Variants in ORC3 observed in about 807,000 individuals in gnomAD.
ORC3 encodes origin recognition complex subunit 3.
In ORC3, 78 loss-of-function variants were observed where a neutral mutation model predicts 100.7. That is an observed-to-expected ratio of 0.77 (90% CI 0.65 to 0.94). The LOEUF is 0.94. Among genes scored for constraint, ORC3 ranks in the 40% least tolerant of loss-of-function variants. ORC3 has a pLI of 0.00. For synonymous variants in ORC3, 295 were observed against 289.3 expected (o/e 1.02, Z -0.20); for missense variants, 789 against 823.9 (o/e 0.96, Z 0.52).
At chr6:87,636,199 T>A (rs1328817503) in intron 12 of ORC3, among the ~76,000 whole-genome samples, 1 of 152,218 alleles carries the variant, frequency 6.6e-6, no homozygotes, top group Admixed American at 6.5e-5. Context: ...CCCAAAGTGC[T>A]GGGATTACAG....
chr6:87,622,490 A>C (rs1218328235), intron 11 of ORC3, among the ~76,000 whole-genome samples: 1 of 152,198 alleles, frequency 6.6e-6, no homozygotes. Context: ...TAATGAGCTT[A>C]GAAAATTATC....
At chr6:87,661,337 G>C (rs1314653261) in intron 16 of ORC3, among the ~76,000 whole-genome samples, 1 of 152,072 alleles carries the variant, frequency 6.6e-6, no homozygotes, top group Non-Finnish European at 1.5e-5. Flanking sequence ...CTGAGGTATA[G>C]AATATTGTTT....
intron 13 of ORC3, among the ~76,000 whole-genome samples, chr6:87,648,771 A>G (rs749231424): frequency 6.6e-6 from 1 of 152,188 alleles, no homozygotes; most frequent in Non-Finnish European, 1.5e-5. Flanking sequence ...GTTTCTCATC[A>G]CTATATAATA....
intron 9 of ORC3, among the ~76,000 whole-genome samples, chr6:87,618,418 A>AAG (rs2128261716): frequency 6.7e-6 from 1 of 150,266 alleles, no homozygotes; most frequent in South Asian, 2.1e-4. Context: ...CTCCATCTCA[A>AAG]AAAAAAAAAA....
rs1373228558 is a variant in ORC3 at position 87,667,015 on chromosome 6, C to T, written c.2031-3C>T. On this transcript the variant is annotated splice_region_variant and splice_polypyrimidine_tract_variant and intron_variant, in intron 19 of 19. Coordinates refer to ENST00000392844, the MANE Select transcript of ORC3 (RefSeq NM_012381.4). Reference sequence around the variant, plus strand: ...GGCCAGTTTCCTTAATTAAAGCCTCCAGTGCTCGGTTTATTAGAGCTGTTT... The same window carrying T: ...GGCCAGTTTCCTTAATTAAAGCCTCTAGTGCTCGGTTTATTAGAGCTGTTT... The T allele has an allele frequency of 1.3e-6, 2 of 1,588,658 alleles. No homozygotes were observed. The highest frequency in any genetic ancestry group is 3.6e-5 in the Admixed American group (2 of 56,038).
chr6:87,667,923 G>A (rs183265298), downstream of ORC3, among the ~76,000 whole-genome samples: 1,336 of 138,334 alleles, frequency 9.7e-3, 11 homozygotes, highest in Middle Eastern at 0.023. Flanking sequence ...GTGAGACTCC[G>A]TGTCAAAAAA....
the ORC3 span, among the ~76,000 whole-genome samples, chr6:87,677,167 G>C: frequency 1.3e-5 from 2 of 151,890 alleles, no homozygotes; most frequent in East Asian, 1.9e-4. Context: ...TCTATGAATG[G>C]CAACTGACTG....
At chr6:87,605,509 G>T (rs1778266610) in intron 4 of ORC3, among the ~76,000 whole-genome samples, 2 of 152,164 alleles carry the variant, frequency 1.3e-5, no homozygotes, top group African/African-American at 4.8e-5. Context: ...AAATTAGCCG[G>T]TGTGGTGGCA....
intron 12 of ORC3, 119 bp downstream of exon 12, chr6:87,635,080 C>T: frequency 2.7e-6 from 2 of 752,942 alleles, no homozygotes; most frequent in South Asian, 2.8e-5. Flanking sequence ...ACAATGAGAA[C>T]ACAATCTAAA....
chr6:87,596,773 C>T (rs904181229), intron 2 of ORC3, among the ~76,000 whole-genome samples: 7 of 152,160 alleles, frequency 4.6e-5, no homozygotes, highest in Admixed American at 2.0e-4. Flanking sequence ...TCCAGTATTA[C>T]TATCAGAATG....
chr6:87,617,866 C>T (rs1032851807), intron 9 of ORC3, among the ~76,000 whole-genome samples: 7 of 151,962 alleles, frequency 4.6e-5, no homozygotes, highest in African/African-American at 1.7e-4. Flanking sequence ...CTCATGTTTC[C>T]TTCCTTCAAA....
chr6:87,627,348 T>G (rs1371081928), intron 11 of ORC3, among the ~76,000 whole-genome samples: 1 of 124,792 alleles, frequency 8.0e-6, no homozygotes, highest in Non-Finnish European at 1.6e-5. Context: ...CAGGCTAGAG[T>G]GTAGTGGCAC....
At chr6:87,649,948 G>A (rs1281190797) in intron 13 of ORC3, among the ~76,000 whole-genome samples, 2 of 151,174 alleles carry the variant, frequency 1.3e-5, no homozygotes, top group Non-Finnish European at 2.9e-5. Flanking sequence ...TTACCATTTT[G>A]AACATGGGCT....
At position 87,658,349 on chromosome 6, in the gene ORC3, C is replaced by T. The variant is rs367980101; in HGVS notation, c.1691+331C>T. ...GTGGGCACCTGTAGTCCCAGCTACT[C>T]GGGAGGCTGAGGCAGGAGAATGGCA... On this transcript the variant is annotated intron_variant, in intron 16 of 19. Transcript: ENST00000392844. Among the ~76,000 whole-genome samples, 72 of 151,396 alleles carry T rather than the reference C, an allele frequency of 4.8e-4. No individual in the cohort carries two copies. The East Asian group carries it at 0.013, about 28-fold the overall frequency.
At chr6:87,631,322 C>G (rs757181146) in intron 11 of ORC3, among the ~76,000 whole-genome samples, 2 of 152,074 alleles carry the variant, frequency 1.3e-5, no homozygotes, top group African/African-American at 2.4e-5. Flanking sequence ...CAAAGTGTAT[C>G]TCCGTAGAAA....
At chr6:87,651,696 T>A (rs1769283809) in intron 13 of ORC3, among the ~76,000 whole-genome samples, 1 of 152,186 alleles carries the variant, frequency 6.6e-6, no homozygotes, top group South Asian at 2.1e-4. Flanking sequence ...GTTGTTGTTG[T>A]TGGGGTTTAA....
chr6:87,634,740 A>ATCT (rs2307375), intron 11 of ORC3, 105 bp from the exon 12 acceptor site: 358,433 of 641,288 alleles, frequency 0.56, 102,067 homozygotes, highest in African/African-American at 0.72. Context: ...GTAGTTTTGA[A>ATCT]TCTTGTCAGT....
At chr6:87,651,299 G>A (rs7772351) in intron 13 of ORC3, 188,190 of 455,966 alleles carry the variant, frequency 0.41, 39,612 homozygotes, top group Admixed American at 0.52. Context: ...TCTGCCAGCA[G>A]AACCTCACCC....
In ORC3 at chr6:87,606,013, A is replaced by G. The variant is rs141851921; in HGVS notation, c.419A>G (p.Asp140Gly). 160 of 1,509,572 alleles carry G rather than the reference A, an allele frequency of 1.1e-4. No homozygotes were observed. In the Middle Eastern group the frequency reaches 1.2e-3, roughly 11 times the overall value. 93.5% of individuals were successfully genotyped at this position (1,509,572 alleles called of 1,614,324 possible). A position where few individuals can be genotyped will look rare whatever the true frequency, so the allele number is the denominator to read the frequency against. ...TATGTAGTCTCATTGCAAGCTAAAG[A>G]TTGTCCAGGTAAAAATATAAATGCC... ...TPYVVSLQAK[D>G]CPDMKHFLQK... is the part of the protein sequence containing the mutation. Residue 140 changes from aspartate to glycine, a missense_variant, in exon 5 of 20, where the codon GAT (aspartate) becomes GGT (glycine). Around this residue, in one of 3 missense-constraint regions of ORC3, gnomAD observed 399 missense variants for 382.0 expected, o/e 1.04. Coordinates refer to ENST00000392844, the MANE Select transcript of ORC3 (RefSeq NM_012381.4).
Sources: allele counts gnomAD v4.1 joint callset (sites outside exome capture counted in the v4.1 genomes callset), GRCh38; gene constraint gnomAD v4.1.1; regional missense constraint gnomAD v4.1.1; transcripts MANE v1.5; gene names NCBI Gene and HGNC (gene_info 2026-07-23, HGNC 2026-07-21).